Variants in PPFIA2 observed in about 807,000 individuals in gnomAD.
PPFIA2 encodes the protein PPFI scaffold protein A2.
In PPFIA2, 46 loss-of-function variants were observed where a neutral mutation model predicts 175.5. The ratio of observed to expected loss-of-function variants is 0.26; its 90% confidence interval spans 0.21 to 0.34. PPFIA2 has a LOEUF of 0.34. Ranked by LOEUF, PPFIA2 falls within the 10% of genes least tolerant of loss-of-function variation. The pLI, the probability that PPFIA2 is intolerant of heterozygous loss-of-function variation, is 1.00. For synonymous variants in PPFIA2, 568 were observed against 511.4 expected (o/e 1.11, Z -1.49); for missense variants, 1,179 against 1,506.1 (o/e 0.78, Z 3.60).
At chr12:81,581,727 AAAACG>A (rs1567433336) in intron 4 of PPFIA2, among the ~76,000 whole-genome samples, 1 of 26,564 alleles carries the variant, frequency 3.8e-5, no homozygotes, top group Non-Finnish European at 8.3e-5. Context: ...AAAACAAAAC[AAAACG>A]AACAAACAAA....
chr12:81,693,991 G>A (rs988387824), intron 3 of PPFIA2, among the ~76,000 whole-genome samples: 4 of 152,168 alleles, frequency 2.6e-5, no homozygotes, highest in Non-Finnish European at 5.9e-5. Context: ...AAGTGTTCAA[G>A]ATGTGGTCTG....
intron 4 of PPFIA2, among the ~76,000 whole-genome samples, chr12:81,637,662 T>G (rs2064288481): frequency 6.6e-6 from 1 of 152,122 alleles, no homozygotes; most frequent in African/African-American, 2.4e-5. Context: ...ATAACATTTG[T>G]TCATCCATTT....
chr12:81,342,277 G>A (rs922003496), intron 19 of PPFIA2, among the ~76,000 whole-genome samples: 4 of 151,990 alleles, frequency 2.6e-5, no homozygotes, highest in African/African-American at 9.7e-5. Flanking sequence ...TCATGGCATC[G>A]TTGTGTATCA....
At chr12:81,636,474 C>T (rs1310917387) in intron 4 of PPFIA2, among the ~76,000 whole-genome samples, 8 of 150,756 alleles carry the variant, frequency 5.3e-5, no homozygotes, top group African/African-American at 1.7e-4. Flanking sequence ...ACTGTGTTAG[C>T]CAGGATGGTC....
chr12:81,402,492 T>G (rs1225752340), intron 8 of PPFIA2, among the ~76,000 whole-genome samples: 1 of 152,062 alleles, frequency 6.6e-6, no homozygotes, highest in Non-Finnish European at 1.5e-5. Flanking sequence ...TTGGGAGTAT[T>G]TATATAAGGA....
chr12:81,445,475 G>C, intron 6 of PPFIA2, 81 bp downstream of exon 6: 1 of 1,340,902 alleles, frequency 7.5e-7, no homozygotes, highest in East Asian at 2.4e-5. Context: ...TAGGAGTCAG[G>C]TGAGTCAATG....
chr12:81,521,911 G>C (rs1347804340), intron 4 of PPFIA2, among the ~76,000 whole-genome samples: 1 of 151,304 alleles, frequency 6.6e-6, no homozygotes, highest in African/African-American at 2.4e-5. Flanking sequence ...GCTCAATTTT[G>C]TTTATAAAGT....
intron 4 of PPFIA2, among the ~76,000 whole-genome samples, chr12:81,581,518 T>C (rs1425760073): frequency 1.3e-5 from 2 of 151,714 alleles, no homozygotes; most frequent in Non-Finnish European, 2.9e-5. Context: ...CTGCACACTC[T>C]AACACTCCCT....
At chr12:81,445,206 T>TGGGGGGGG (rs536566949) in intron 6 of PPFIA2, among the ~76,000 whole-genome samples, 1 of 20,664 alleles carries the variant, frequency 4.8e-5, no homozygotes, top group Non-Finnish European at 1.4e-4. Context: ...AAGACCAAGG[T>TGGGGGGGG]GGGGGGGGGG....
intron 7 of PPFIA2, among the ~76,000 whole-genome samples, chr12:81,407,388 C>G (rs1592512709): frequency 6.6e-6 from 1 of 151,894 alleles, no homozygotes; most frequent in Middle Eastern, 3.4e-3. Flanking sequence ...GAGGCTGAGC[C>G]AGGAGAATCC....
chr12:81,283,989 C>T (rs1351546013), intron 25 of PPFIA2, among the ~76,000 whole-genome samples: 1 of 152,136 alleles, frequency 6.6e-6, no homozygotes, highest in African/African-American at 2.4e-5. Flanking sequence ...AACATGAATA[C>T]TATTTATTAC....
At chr12:81,519,047 A>G (rs538363989) in intron 4 of PPFIA2, among the ~76,000 whole-genome samples, 1 of 152,198 alleles carries the variant, frequency 6.6e-6, no homozygotes, top group Non-Finnish European at 1.5e-5. Context: ...AAACAAATGT[A>G]TTCTATTCTT....
chr12:81,386,963 A>T (rs571686579), intron 8 of PPFIA2, among the ~76,000 whole-genome samples: 8 of 152,268 alleles, frequency 5.3e-5, no homozygotes, highest in African/African-American at 1.7e-4. Context: ...AACAAGCCAC[A>T]TAGGAACACA....
chr12:81,410,002 A>C (rs2043632426), intron 7 of PPFIA2, among the ~76,000 whole-genome samples: 1 of 152,086 alleles, frequency 6.6e-6, no homozygotes, highest in South Asian at 2.1e-4. Flanking sequence ...TCTTTAGGAG[A>C]CGATAAATGG....
Position 81,727,280 on chromosome 12 carries a change from C to G in PPFIA2, c.249+26693G>C, listed in dbSNP as rs148146680. On this transcript the variant is annotated intron_variant, in intron 3 of 32. Transcript: ENST00000549396. The stretch of plus-strand genomic sequence containing the variant: ...CTTCTGAATTCATAGTACTAGGAGT[C>G]AGAAATAAATTCTTTTCAATTGTAT... Among the ~76,000 whole-genome samples the G allele has an allele frequency of 7.7e-3, 1,168 of 151,406 alleles. 8 individuals carry two copies. The highest frequency in any genetic ancestry group is 0.025 in the South Asian group (119 of 4,818).
At chr12:81,349,789 G>A (rs2059697833) in intron 17 of PPFIA2, among the ~76,000 whole-genome samples, 1 of 152,102 alleles carries the variant, frequency 6.6e-6, no homozygotes, top group African/African-American at 2.4e-5. Context: ...GACAATAGTA[G>A]CTAACTATAA....
chr12:81,606,685 T>C (rs570918225), intron 4 of PPFIA2, among the ~76,000 whole-genome samples: 2 of 152,260 alleles, frequency 1.3e-5, no homozygotes, highest in South Asian at 4.1e-4. Flanking sequence ...CTTGTTGATT[T>C]AAGTTCCTTA....
In PPFIA2 at chr12:81,642,806, T is replaced by TACA. The variant is rs1567690428; in HGVS notation, c.303+33984_303+33985insTGT. ...ATATACATACATGTATATGTATGTA[T>TACA]GTATTACATACATGTATATGTATGT... On this transcript the variant is annotated intron_variant, in intron 4 of 32. Transcript: ENST00000549396. Among the ~76,000 whole-genome samples, 52 of 25,996 alleles carry TACA rather than the reference T, an allele frequency of 2.0e-3. 21 individuals are homozygous for TACA. Among genetic ancestry groups the TACA allele is most frequent in the South Asian group, 0.014 (4 of 294 alleles). 17.1% of individuals were successfully genotyped at this position (25,996 alleles called of 152,430 possible).
intron 8 of PPFIA2, among the ~76,000 whole-genome samples, chr12:81,393,135 T>C (rs911831990): frequency 3.9e-5 from 6 of 152,038 alleles, no homozygotes; most frequent in African/African-American, 1.4e-4. Flanking sequence ...ATTCCCATGA[T>C]AAATGTTAAT....
Sources: allele counts gnomAD v4.1 joint callset (sites outside exome capture counted in the v4.1 genomes callset), GRCh38; gene constraint gnomAD v4.1.1; transcripts MANE v1.5; gene names NCBI Gene and HGNC (gene_info 2026-07-23, HGNC 2026-07-21).